The following BMP2K variants were observed in gnomAD, a reference collection of about 807,000 sequenced individuals.
BMP2K encodes the protein BMP2 inducible kinase, also known as BMP-2-inducible protein kinase.
BMP2K carries 74 observed loss-of-function variants against 116.0 expected under a neutral mutation model. That is an observed-to-expected ratio of 0.64 (90% CI 0.53 to 0.77). The LOEUF (loss-of-function observed/expected upper bound fraction) is 0.77. Ranked by LOEUF, BMP2K falls within the 30% of genes least tolerant of loss-of-function variation. The pLI is 0.00. For synonymous variants in BMP2K, 486 were observed against 502.5 expected, an observed-to-expected ratio of 0.97 and a Z score of 0.44; for missense variants, 1,365 against 1,403.6, an observed-to-expected ratio of 0.97 and a Z score of 0.44.
chr4:78,784,832 T>C (rs1185076305), intron 1 of BMP2K, among the ~76,000 whole-genome samples: 1 of 152,046 alleles, frequency 6.6e-6, no homozygotes, highest in African/African-American at 2.4e-5. Flanking sequence ...ACGTTTTGAC[T>C]TCAGTTTCCT....
At chr4:78,867,999 G>A (rs1032149575) in intron 10 of BMP2K, among the ~76,000 whole-genome samples, 2 of 152,342 alleles carry the variant, frequency 1.3e-5, no homozygotes, top group Non-Finnish European at 2.9e-5. Flanking sequence ...GGTGGAGGTT[G>A]CAGTAAGCCA....
At chr4:78,788,280 C>T (rs964300767) in intron 1 of BMP2K, among the ~76,000 whole-genome samples, 2 of 151,870 alleles carry the variant, frequency 1.3e-5, no homozygotes, top group Non-Finnish European at 2.9e-5. Flanking sequence ...GGTATATGTG[C>T]TCAGATGTGC....
intron 1 of BMP2K, among the ~76,000 whole-genome samples, chr4:78,797,537 A>C (rs1728357306): frequency 6.6e-6 from 1 of 152,172 alleles, no homozygotes; most frequent in Non-Finnish European, 1.5e-5. Flanking sequence ...GTAATTCGGT[A>C]GTATTGGGAT....
At chr4:78,833,727 C>T in intron 3 of BMP2K, 40 bp downstream of exon 3, 1 of 1,382,870 alleles carries the variant, frequency 7.2e-7, no homozygotes, top group Non-Finnish European at 1.0e-6. Flanking sequence ...TAAAAAGTTT[C>T]TCCTTAAATG....
intron 2 of BMP2K, among the ~76,000 whole-genome samples, chr4:78,827,228 T>A (rs1302806029): frequency 1.3e-5 from 2 of 152,066 alleles, no homozygotes; most frequent in African/African-American, 2.4e-5. Flanking sequence ...CCATACACTG[T>A]CTTATCTTTC....
At chr4:78,801,050 CTTG>C (rs1285352399) in intron 1 of BMP2K, among the ~76,000 whole-genome samples, 1 of 151,980 alleles carries the variant, frequency 6.6e-6, no homozygotes, top group African/African-American at 2.4e-5. Flanking sequence ...TCTTCCTTTA[CTTG>C]TTGTTGGTGT....
At chr4:78,804,441 AC>A (rs1728724565) in intron 1 of BMP2K, among the ~76,000 whole-genome samples, 1 of 152,174 alleles carries the variant, frequency 6.6e-6, no homozygotes, top group African/African-American at 2.4e-5. Flanking sequence ...ATTGTTCTAC[AC>A]TTGATACCTA....
chr4:78,878,663 G>A, intron 13 of BMP2K, 71 bp from the exon 14 acceptor site: 1 of 1,202,254 alleles, frequency 8.3e-7, no homozygotes. Context: ...TATAAAGTAG[G>A]GCATTGTAAA....
chr4:78,816,885 A>C (rs1211969354), intron 1 of BMP2K, among the ~76,000 whole-genome samples: 1 of 152,240 alleles, frequency 6.6e-6, no homozygotes, highest in Non-Finnish European at 1.5e-5. Context: ...GAAGAGACAT[A>C]TTGATAGTCA....
At chr4:78,869,845 A>G (rs1162506813) in intron 10 of BMP2K, among the ~76,000 whole-genome samples, 1 of 152,168 alleles carries the variant, frequency 6.6e-6, no homozygotes, top group Non-Finnish European at 1.5e-5. Context: ...GCATTTCCTT[A>G]TAATTAGAAA....
chr4:78,798,032 G>A (rs555268618), intron 1 of BMP2K, among the ~76,000 whole-genome samples: 52 of 152,172 alleles, frequency 3.4e-4, no homozygotes, highest in African/African-American at 1.2e-3. Flanking sequence ...GCCCAGACAC[G>A]CTTCAAACTC....
chr4:78,843,408 A>C (rs184953950), intron 4 of BMP2K, among the ~76,000 whole-genome samples: 1 of 150,562 alleles, frequency 6.6e-6, no homozygotes, highest in African/African-American at 2.4e-5. Flanking sequence ...TGTAAGCTCC[A>C]TGAGGGCCAG....
chr4:78,837,610 T>C lies in BMP2K; in HGVS notation c.403+3923T>C, dbSNP rs1730550444. 2.0e-5 allele frequency among the ~76,000 whole-genome samples: 3 copies of C among 152,324 alleles called. No homozygotes were observed. In the South Asian group the frequency reaches 6.2e-4, roughly 32 times the overall value. On this transcript the variant is annotated intron_variant, in intron 3 of 15. Transcript: ENST00000502613. ...TTTTAGCTGCAAATCTTTTGTTGTCTGTGGATATTAATTTCAGTGTATCCA... is the reference window on the plus strand; with the variant it reads ...TTTTAGCTGCAAATCTTTTGTTGTCCGTGGATATTAATTTCAGTGTATCCA...
Position 78,826,289 on chromosome 4 carries a change from C to T in BMP2K, c.297+134C>T, listed in dbSNP as rs571644694. On this transcript the variant is annotated intron_variant, in intron 2 of 15. Transcript: ENST00000502613. ...TGATCTCAGCTCGCTGCAACCTCCA[C>T]CTCCCAGGTTCAAGCAATTCTCATG... The T allele has an allele frequency of 6.4e-5, 40 of 629,012 alleles. 1 individual carries two copies. The South Asian group carries it at 7.1e-4, about 11-fold the overall frequency. 39.0% of individuals were successfully genotyped at this position (629,012 alleles called of 1,614,324 possible).
rs894692282 is a variant in BMP2K at position 78,776,445 on chromosome 4, G to C, written c.-99G>C. ...TTGGCGGGCCGCAGCACGCTCGGAC[G>C]GGCCAGGGGCGGCGACCCCTCGCGG... is the stretch of plus-strand genomic sequence containing the variant. On this transcript the variant is annotated 5_prime_UTR_variant, in exon 1 of 16. Coordinates refer to ENST00000502613, the MANE Select transcript of BMP2K (RefSeq NM_198892.2). 9.4e-6 allele frequency: 10 copies of C among 1,063,434 alleles called. No individual in the cohort carries two copies. The highest frequency in any genetic ancestry group is 8.5e-5 in the African/African-American group (5 of 59,014). The allele number at this position is 1,063,434 out of a possible 1,614,324, so 65.9% of individuals were successfully genotyped here. A position where few individuals can be genotyped will look rare whatever the true frequency, so the allele number is the denominator to read the frequency against.
rs887251816 is a variant in BMP2K, at chr4:78,829,802, C to T, written c.297+3647C>T. On this transcript the variant is annotated intron_variant, in intron 2 of 15. Transcript: ENST00000502613. The stretch of plus-strand genomic sequence containing the variant: ...TTTCTTTTCTTTTCTCTTCTCTTCT[C>T]TTCTCTTCTCTTCTCTTCTCTTCTC... Among the ~76,000 whole-genome samples the T allele has an allele frequency of 6.6e-3, 787 of 119,154 alleles. 9 individuals carry two copies. The highest frequency in any genetic ancestry group is 0.032 in the African/African-American group (731 of 22,920). 78.2% of individuals were successfully genotyped at this position (119,154 alleles called of 152,430 possible).
intron 1 of BMP2K, among the ~76,000 whole-genome samples, chr4:78,818,621 C>T (rs1014472869): frequency 6.6e-6 from 1 of 152,116 alleles, no homozygotes; most frequent in African/African-American, 2.4e-5. Flanking sequence ...TTTTGTACTT[C>T]TGTTTACACT....
intron 1 of BMP2K, among the ~76,000 whole-genome samples, chr4:78,799,462 G>A (rs918383203): frequency 6.6e-6 from 1 of 152,192 alleles, no homozygotes; most frequent in East Asian, 1.9e-4. Flanking sequence ...TTTTCATAGT[G>A]GTTATAGGTA....
intron 11 of BMP2K, among the ~76,000 whole-genome samples, chr4:78,871,566 CTT>C (rs982424146): frequency 1.3e-5 from 2 of 152,172 alleles, no homozygotes; most frequent in Admixed American, 6.5e-5. Context: ...ACTCAGGTGT[CTT>C]TATCTTCTAG....
Sources: gnomAD v4.1 joint callset for allele counts (sites outside exome capture counted in the v4.1 genomes callset) on GRCh38, gnomAD v4.1.1 for gene constraint, MANE v1.5 for transcripts, NCBI Gene and HGNC (gene_info 2026-07-23, HGNC 2026-07-21) for gene names.